Variants in EPHA6 observed in about 807,000 individuals in gnomAD.
EPHA6 encodes the protein ephrin type-A receptor 6.
In EPHA6, 50 loss-of-function variants were observed where a neutral mutation model predicts 112.0. That is an observed-to-expected ratio of 0.45 (90% confidence interval 0.36 to 0.56). EPHA6 has a LOEUF of 0.56. Ranked by LOEUF, EPHA6 falls within the 20% of genes least tolerant of loss-of-function variation. The pLI, the probability that EPHA6 is intolerant of heterozygous loss-of-function variation, is 0.00. For missense variants in EPHA6, 1,280 were observed against 1,417.4 expected, an observed-to-expected ratio of 0.90 and a Z score of 1.56; for synonymous variants, 529 against 490.7, an observed-to-expected ratio of 1.08 and a Z score of -1.03.
chr3:97,307,992 T>A (rs1475485336), intron 5 of EPHA6, among the ~76,000 whole-genome samples: 1 of 151,662 alleles, frequency 6.6e-6, no homozygotes, highest in African/African-American at 2.4e-5. Context: ...TTTTTTTTTG[T>A]GTTCCTTTCA....
intron 5 of EPHA6, among the ~76,000 whole-genome samples, chr3:97,386,426 A>T (rs2086074207): frequency 6.6e-6 from 1 of 152,214 alleles, no homozygotes; most frequent in Admixed American, 6.5e-5. Context: ...TACAGGCCCC[A>T]TGGAAGTTCA....
chr3:97,264,711 A>C (rs1256838766), intron 5 of EPHA6, among the ~76,000 whole-genome samples: 1 of 152,228 alleles, frequency 6.6e-6, no homozygotes, highest in East Asian at 1.9e-4. Flanking sequence ...GTACACAGAC[A>C]AATGGAGGAT....
chr3:97,022,390 T>G (rs2213255), intron 3 of EPHA6, among the ~76,000 whole-genome samples: 26,222 of 152,144 alleles, frequency 0.17, 2,539 homozygotes, highest in Non-Finnish European at 0.22. Context: ...ACTTTTCAGC[T>G]ACTTGAGTTA....
At chr3:97,637,052 G>T (rs532048216) in intron 13 of EPHA6, among the ~76,000 whole-genome samples, 1 of 151,828 alleles carries the variant, frequency 6.6e-6, no homozygotes, top group Admixed American at 6.6e-5. Flanking sequence ...GGTCTTGTTG[G>T]TGCATACATT....
At chr3:97,053,659 C>T (rs1470627397) in intron 3 of EPHA6, among the ~76,000 whole-genome samples, 1 of 152,048 alleles carries the variant, frequency 6.6e-6, no homozygotes, top group Non-Finnish European at 1.5e-5. Flanking sequence ...ATACAACTTG[C>T]ATTTGTAAGA....
At chr3:97,216,721 C>G (rs566458991) in intron 3 of EPHA6, among the ~76,000 whole-genome samples, 3 of 152,258 alleles carry the variant, frequency 2.0e-5, no homozygotes, top group African/African-American at 7.2e-5. Flanking sequence ...CGTATTGCTC[C>G]ATATTCTCAG....
At chr3:96,982,548 A>C (rs2107825201) in intron 2 of EPHA6, among the ~76,000 whole-genome samples, 1 of 152,196 alleles carries the variant, frequency 6.6e-6, no homozygotes, top group African/African-American at 2.4e-5. Flanking sequence ...TGGGATGGAG[A>C]GTTCTGTAGA....
At chr3:97,607,139 G>A (rs1292246374) in intron 12 of EPHA6, among the ~76,000 whole-genome samples, 2 of 140,510 alleles carry the variant, frequency 1.4e-5, no homozygotes, top group African/African-American at 2.6e-5. Flanking sequence ...ACATGAAAAT[G>A]TTAAGTCTCT....
intron 1 of EPHA6, among the ~76,000 whole-genome samples, chr3:96,827,526 G>A (rs1410753574): frequency 1.3e-5 from 2 of 152,070 alleles, no homozygotes; most frequent in Admixed American, 6.6e-5. Flanking sequence ...ATGATGGCAA[G>A]TATTTCTTCT....
At chr3:97,269,645 G>A (rs1040659660) in intron 5 of EPHA6, among the ~76,000 whole-genome samples, 1 of 152,126 alleles carries the variant, frequency 6.6e-6, no homozygotes, top group Non-Finnish European at 1.5e-5. Context: ...CAGATATTCT[G>A]ATGTAACACA....
intron 3 of EPHA6, among the ~76,000 whole-genome samples, chr3:97,003,666 T>G (rs2043759673): frequency 6.6e-6 from 1 of 152,148 alleles, no homozygotes. Flanking sequence ...TTTTTCTTTA[T>G]TTCTTCTTCA....
intron 2 of EPHA6, among the ~76,000 whole-genome samples, chr3:96,881,438 C>T (rs1340651090): frequency 6.6e-6 from 1 of 152,098 alleles, no homozygotes; most frequent in Non-Finnish European, 1.5e-5. Flanking sequence ...TATCAGGTCT[C>T]CTGAGACTTA....
chr3:97,539,066 CCCTT>C (rs747004303), intron 11 of EPHA6, among the ~76,000 whole-genome samples: 39,316 of 123,752 alleles, frequency 0.32, 6,234 homozygotes, highest in South Asian at 0.36. Context: ...TCTCTTTCTT[CCCTT>C]CCTTCCTTCC....
Position 97,032,258 on chromosome 3 carries a change from T to G in EPHA6, c.1114+44265T>G, listed in dbSNP as rs570777448. Reference sequence around the variant, plus strand: ...TGGGAATTGAACAATGAGAACAACTTGGACACAGGAAGGGGAACATCACAC... The same window carrying G: ...TGGGAATTGAACAATGAGAACAACTGGGACACAGGAAGGGGAACATCACAC... On this transcript the variant is annotated intron_variant, in intron 3 of 17. Transcript: ENST00000389672. Among the ~76,000 whole-genome samples, 5 of 151,944 alleles carry G rather than the reference T, an allele frequency of 3.3e-5. No homozygotes were observed. The South Asian group carries it at 1.0e-3, about 32-fold the overall frequency.
rs192816275 is a variant in EPHA6, at chr3:97,692,828, A to G, written c.2785-27433A>G. Among the ~76,000 whole-genome samples, 97 of 152,344 alleles carry G rather than the reference A, an allele frequency of 6.4e-4. 1 individual carries two copies. Among genetic ancestry groups the G allele is most frequent in the Admixed American group, 6.2e-3 (95 of 15,298 alleles). ...AAATACATATGGGCAGTTTCTTGACAAAGTCACACATTAAATAACATTACC... is the reference window on the plus strand; with the variant it reads ...AAATACATATGGGCAGTTTCTTGACGAAGTCACACATTAAATAACATTACC... On this transcript the variant is annotated intron_variant, in intron 14 of 17. Transcript: ENST00000389672.
chr3:97,231,645 G>A (rs2078527752), intron 4 of EPHA6, among the ~76,000 whole-genome samples: 1 of 152,232 alleles, frequency 6.6e-6, no homozygotes, highest in South Asian at 2.1e-4. Flanking sequence ...AGAAATGAGT[G>A]CACCCAAGGA....
At chr3:97,454,871 C>T (rs935851184) in intron 7 of EPHA6, among the ~76,000 whole-genome samples, 2 of 151,682 alleles carry the variant, frequency 1.3e-5, no homozygotes, top group African/African-American at 4.8e-5. Flanking sequence ...ACCAGCTGAC[C>T]CTGGTGGAGT....
chr3:97,651,345 G>A (rs999972467), intron 14 of EPHA6, among the ~76,000 whole-genome samples: 4 of 151,952 alleles, frequency 2.6e-5, no homozygotes, highest in African/African-American at 9.7e-5. Flanking sequence ...TTACAATGAT[G>A]GGTTAGGATA....
chr3:96,831,782 A>G (rs1199800644), intron 1 of EPHA6, among the ~76,000 whole-genome samples: 2 of 152,106 alleles, frequency 1.3e-5, no homozygotes, highest in African/African-American at 4.8e-5. Flanking sequence ...ACAGAAAATA[A>G]ATTACTTATA....
Sources: allele counts gnomAD v4.1 joint callset (sites outside exome capture counted in the v4.1 genomes callset), GRCh38; gene constraint gnomAD v4.1.1; transcripts MANE v1.5; gene names NCBI Gene and HGNC (gene_info 2026-07-23, HGNC 2026-07-21).